Variants in IL36RN observed in about 807,000 individuals in gnomAD.
IL36RN encodes interleukin 36 receptor antagonist.
A neutral mutation model predicts 13.0 loss-of-function variants in IL36RN; 11 were observed. The ratio of observed to expected loss-of-function variants is 0.85; its 90% confidence interval spans 0.53 to 1.40. The LOEUF (loss-of-function observed/expected upper bound fraction) is 1.40, where lower values mean the gene tolerates loss of function less well. Among genes scored for constraint, IL36RN ranks in the 40% most tolerant of loss-of-function variants. The pLI is 0.00. For missense variants in IL36RN, 195 were observed against 195.3 expected (o/e 1.00, Z 0.01); for synonymous variants, 94 against 84.1 (o/e 1.12, Z -0.64).
At chr2:113,059,805 C>T (rs973008114) in intron 2 of IL36RN, among the ~76,000 whole-genome samples, 10 of 152,138 alleles carry the variant, frequency 6.6e-5, no homozygotes, top group African/African-American at 2.4e-4. Context: ...TGGATGTAAG[C>T]TCACCCACTC....
At position 113,060,874 on chromosome 2, in the gene IL36RN, G is replaced by C; in HGVS notation, c.52G>C (p.Val18Leu). 1 of 1,614,086 alleles carries C rather than the reference G, an allele frequency of 6.2e-7. No individual in the cohort carries two copies. Among genetic ancestry groups the C allele is most frequent in the African/African-American group, 1.3e-5 (1 of 75,048 alleles). Residue 18 changes from valine (V) to leucine (L), a missense_variant, in exon 3 of 5, where the codon GTG becomes CTG. By Grantham distance (32) the Val-to-Leu change is conservative. Transcript: ENST00000393200. ...CFRMKDSALKVLYLHNNQLLA... is the reference protein window; with the variant it reads ...CFRMKDSALKLLYLHNNQLLA... ...CAGAATGAAGGACTCGGCATTGAAG[G>C]TGCTTTATCTGCATAATAACCAGCT...
In IL36RN at chr2:113,062,691, C is replaced by T; in HGVS notation, c.*14C>T. 1.9e-6 allele frequency: 3 copies of T among 1,605,028 alleles called. No homozygotes were observed. Among genetic ancestry groups the T allele is most frequent in the African/African-American group, 1.3e-5 (1 of 74,970 alleles). On this transcript the variant is annotated 3_prime_UTR_variant, in exon 5 of 5. Transcript: ENST00000393200. ...CAGTGTGACTAGGGCAACGTGCCCC[C>T]CAGAACTCCCTGGGCAGAGCCAGCT... is the stretch of plus-strand genomic sequence containing the variant.
intron 4 of IL36RN, 28 bp from the exon 5 acceptor site, chr2:113,062,425 C>T (rs775797643): frequency 1.2e-6 from 2 of 1,612,978 alleles, no homozygotes; most frequent in East Asian, 4.5e-5. Context: ...CTTCTGCCCT[C>T]ACCTGACCTC....
In IL36RN at chr2:113,064,521, A is replaced by G. The variant is rs776033400; in HGVS notation, c.*1844A>G. The G allele has an allele frequency of 2.6e-5, 4 of 152,128 alleles. No individual in the cohort carries two copies. The highest frequency in any genetic ancestry group is 5.9e-5 in the Non-Finnish European group (4 of 68,058). 9.4% of individuals were successfully genotyped at this position (152,128 alleles called of 1,614,324 possible). The stretch of plus-strand genomic sequence containing the variant: ...CTCTCTCTGCCACCCACCGCCCCCA[A>G]TCTATCTTGGCTCACTCGCTCTGGG... On this transcript the variant is annotated 3_prime_UTR_variant, in exon 5 of 5. Transcript: ENST00000393200.
upstream of IL36RN, chr2:113,058,705 G>A (rs778324612): frequency 3.9e-5 from 6 of 152,292 alleles, no homozygotes; most frequent in Non-Finnish European, 8.8e-5. Context: ...GAGGAAGGAA[G>A]GAGGGAGAAG....
rs1377487849 is a variant in IL36RN, at chr2:113,064,486, CT to C, written c.*1811del. On this transcript the variant is annotated 3_prime_UTR_variant, in exon 5 of 5. Coordinates refer to ENST00000393200, the MANE Select transcript of IL36RN (RefSeq NM_012275.3). ...GTTATAAAAGACACTGCAGCTTCTACTTGAGCCCTCTCTCTCTGCCACCCAC... is the reference window on the plus strand; with the variant it reads ...GTTATAAAAGACACTGCAGCTTCTACTGAGCCCTCTCTCTCTGCCACCCAC... 1 of 152,236 alleles carries C rather than the reference CT, an allele frequency of 6.6e-6. No individual in the cohort carries two copies. The highest frequency in any genetic ancestry group is 1.9e-4 in the East Asian group (1 of 5,194). 9.4% of individuals were successfully genotyped at this position (152,236 alleles called of 1,614,324 possible).
Position 113,060,898 on chromosome 2 carries a change from C to T in IL36RN, c.76C>T (p.Leu26Phe), listed in dbSNP as rs1261104310. The part of the protein sequence containing the change: ...LKVLYLHNNQ[L>F]LAGGLHAGKV... ...GGTGCTTTATCTGCATAATAACCAGCTTCTAGCTGGAGGGCTGCATGCAGG... is the reference window on the plus strand; with the variant it reads ...GGTGCTTTATCTGCATAATAACCAGTTTCTAGCTGGAGGGCTGCATGCAGG... The change falls in exon 3 of 5, where the codon CTT becomes TTT. Residue 26 changes from leucine to phenylalanine, a missense_variant. By Grantham distance (22) the Leu-to-Phe change is conservative. Transcript: ENST00000393200. 2 of 1,614,046 alleles carry T rather than the reference C, an allele frequency of 1.2e-6. No homozygotes were observed. Among genetic ancestry groups the T allele is most frequent in the African/African-American group, 1.3e-5 (1 of 74,912 alleles).
intron 2 of IL36RN, among the ~76,000 whole-genome samples, chr2:113,060,389 G>C (rs1345683712): frequency 6.6e-6 from 1 of 152,168 alleles, no homozygotes; most frequent in Non-Finnish European, 1.5e-5. Flanking sequence ...TGACCAAATA[G>C]AAATACATGT....
At chr2:113,059,519 T>C in intron 2 of IL36RN, 52 bp downstream of exon 2, 1 of 1,603,946 alleles carries the variant, frequency 6.2e-7, no homozygotes, top group African/African-American at 1.3e-5. Flanking sequence ...AAGTGAGTTC[T>C]GGATAGACCC....
Position 113,064,230 on chromosome 2 carries a change from C to A in IL36RN, c.*1553C>A, listed in dbSNP as rs1277929676. 1 of 152,156 alleles carries A rather than the reference C, an allele frequency of 6.6e-6. No homozygotes were observed. Among genetic ancestry groups the A allele is most frequent in the African/African-American group, 2.4e-5 (1 of 41,422 alleles). 9.4% of individuals were successfully genotyped at this position (152,156 alleles called of 1,614,324 possible). A position where few individuals can be genotyped will look rare whatever the true frequency, so the allele number is the denominator to read the frequency against. On this transcript the variant is annotated 3_prime_UTR_variant, in exon 5 of 5. Coordinates refer to ENST00000393200, the MANE Select transcript of IL36RN (RefSeq NM_012275.3). ...TAGAGGGATAACGGCTCTGCTGAAA[C>A]CTTAATCTCAGACTTCCAGCCTCCT...
chr2:113,060,689 A>C (rs566954591), intron 2 of IL36RN, among the ~76,000 whole-genome samples, 163 bp from the exon 3 acceptor site: 3 of 152,228 alleles, frequency 2.0e-5, no homozygotes, highest in African/African-American at 7.2e-5. Context: ...CTTGTAGGGC[A>C]TGAGCCCAGC....
At chr2:113,062,021 T>G (rs1021640616) in intron 3 of IL36RN, 103 bp from the exon 4 acceptor site, 1 of 1,507,720 alleles carries the variant, frequency 6.6e-7, no homozygotes, top group Non-Finnish European at 9.0e-7. Context: ...CTGCCCAGCC[T>G]GGGGGCAGGC....
chr2:113,059,810 C>T (rs1278071873), intron 2 of IL36RN, among the ~76,000 whole-genome samples: 1 of 152,080 alleles, frequency 6.6e-6, no homozygotes, highest in African/African-American at 2.4e-5. Context: ...GTAAGCTCAC[C>T]CACTCTGTGC....
Position 113,062,697 on chromosome 2 carries a change from C to T in IL36RN, c.*20C>T. Reference sequence around the variant, plus strand: ...GACTAGGGCAACGTGCCCCCCAGAACTCCCTGGGCAGAGCCAGCTCGGGTG... The same window carrying T: ...GACTAGGGCAACGTGCCCCCCAGAATTCCCTGGGCAGAGCCAGCTCGGGTG... On this transcript the variant is annotated 3_prime_UTR_variant, in exon 5 of 5. Coordinates refer to ENST00000393200, the MANE Select transcript of IL36RN (RefSeq NM_012275.3). 1 of 1,600,958 alleles carries T rather than the reference C, an allele frequency of 6.2e-7. No individual in the cohort carries two copies. The highest frequency in any genetic ancestry group is 1.1e-5 in the South Asian group (1 of 90,738).
rs375207169 is a variant in IL36RN at position 113,062,516 on chromosome 2, C to A, written c.307C>A (p.Arg103=). Residue 103 remains arginine (R), a synonymous_variant, in exon 5 of 5, where the codon CGG becomes AGG. Coordinates refer to ENST00000393200, the MANE Select transcript of IL36RN (RefSeq NM_012275.3). ...ATCCAAGAGCTTCACCTTCTACCGG[C>A]GGGACATGGGGCTCACCTCCAGCTT... ...KESKSFTFYR[R]DMGLTSSFES... 1.9e-6 allele frequency: 3 copies of A among 1,614,120 alleles called. No homozygotes were observed. The highest frequency in any genetic ancestry group is 1.1e-5 in the South Asian group (1 of 91,090).
In IL36RN at chr2:113,062,857, G is replaced by A; in HGVS notation, c.*180G>A. 1.5e-6 allele frequency: 1 copy of A among 666,134 alleles called. No individual in the cohort carries two copies. The highest frequency in any genetic ancestry group is 2.7e-5 in the East Asian group (1 of 36,744). The allele number at this position is 666,134 out of a possible 1,614,324, so 41.3% of individuals were successfully genotyped here. A position where few individuals can be genotyped will look rare whatever the true frequency, so the allele number is the denominator to read the frequency against. On this transcript the variant is annotated 3_prime_UTR_variant, in exon 5 of 5. Coordinates refer to ENST00000393200, the MANE Select transcript of IL36RN (RefSeq NM_012275.3). Reference sequence around the variant, plus strand: ...GATAAATTCTGAGATTTGGAGCTCAGTCCACGGTCCTCCCCCACTGGATGG... The same window carrying A: ...GATAAATTCTGAGATTTGGAGCTCAATCCACGGTCCTCCCCCACTGGATGG...
rs2278717 is a variant in IL36RN at position 113,059,365 on chromosome 2, A to C, written c.-27-47A>C. ...GCTGCTTGCTCCCCAGACCCCAGCC[A>C]ACTCAGCCTCTCTCTCCATGATTTT... is the stretch of plus-strand genomic sequence containing the variant. On this transcript the variant is annotated intron_variant, in intron 1 of 4. Transcript: ENST00000393200. 0.4 allele frequency: 622,900 copies of C among 1,547,278 alleles called. 131,141 individuals carry two copies. Among genetic ancestry groups the C allele is most frequent in the South Asian group, 0.58 (51,730 of 89,316 alleles).
At position 113,062,148 on chromosome 2, in the gene IL36RN, A is replaced by G. The variant is rs28938777; in HGVS notation, c.140A>G (p.Asn47Ser). 2,517 of 1,613,984 alleles carry G rather than the reference A, an allele frequency of 1.6e-3. 45 individuals are homozygous for G. The East Asian group carries it at 0.038, about 25-fold the overall frequency. The change falls in exon 4 of 5, where the codon AAT becomes AGT. Residue 47 changes from asparagine (N) to serine (S), a missense_variant. By Grantham distance (46) the Asn-to-Ser change is conservative. Transcript: ENST00000393200. Reference sequence around the variant, plus strand: ...GGTGAAGAGATCAGCGTGGTCCCCAATCGGTGGCTGGATGCCAGCCTGTCC... The same window carrying G: ...GGTGAAGAGATCAGCGTGGTCCCCAGTCGGTGGCTGGATGCCAGCCTGTCC... ...IKGEEISVVP[N>S]RWLDASLSPV...
intron 2 of IL36RN, among the ~76,000 whole-genome samples, chr2:113,059,998 C>A (rs1229009937): frequency 6.6e-6 from 1 of 152,176 alleles, no homozygotes. Context: ...ATGATGTGTT[C>A]TATGGGACTC....
Sources: gnomAD v4.1 joint callset for allele counts (sites outside exome capture counted in the v4.1 genomes callset) on GRCh38, gnomAD v4.1.1 for gene constraint, MANE v1.5 for transcripts, NCBI Gene and HGNC (gene_info 2026-07-23, HGNC 2026-07-21) for gene names.